Variants in ERC2 observed in about 807,000 individuals in gnomAD.
ERC2 encodes ELKS/RAB6-interacting/CAST family member 2.
In ERC2, 42 loss-of-function variants were observed where a neutral mutation model predicts 114.8. The ratio of observed to expected loss-of-function variants is 0.37; its 90% CI spans 0.29 to 0.47. ERC2 has a LOEUF of 0.47. Ranked by LOEUF, ERC2 falls within the 20% of genes least tolerant of loss-of-function variation. The pLI is 0.99. For synonymous variants in ERC2, 454 were observed against 425.5 expected (o/e 1.07, Z -0.82); for missense variants, 939 against 1,150.7 (o/e 0.82, Z 2.66).
intron 17 of ERC2, among the ~76,000 whole-genome samples, chr3:55,649,590 A>C (rs2060530216): frequency 6.6e-6 from 1 of 152,178 alleles, no homozygotes; most frequent in Admixed American, 6.5e-5. Flanking sequence ...CCTTTGTCCC[A>C]ATCCAATGTA....
At chr3:56,294,214 C>T (rs2055282105) in intron 3 of ERC2, among the ~76,000 whole-genome samples, 1 of 152,258 alleles carries the variant, frequency 6.6e-6, no homozygotes. Context: ...TTCTGCTCTA[C>T]TGTATTTGTT....
At chr3:56,233,277 G>C (rs193005874) in intron 3 of ERC2, among the ~76,000 whole-genome samples, 1 of 152,278 alleles carries the variant, frequency 6.6e-6, no homozygotes, top group Admixed American at 6.5e-5. Flanking sequence ...TCCTATTGCT[G>C]CTGTTACAAA....
intron 3 of ERC2, among the ~76,000 whole-genome samples, chr3:56,200,141 C>G (rs1336667808): frequency 6.6e-6 from 1 of 152,034 alleles, no homozygotes; most frequent in African/African-American, 2.4e-5. Context: ...ATACATCACC[C>G]AGCACCAGGG....
At chr3:55,842,617 A>G (rs1401700086) in intron 14 of ERC2, among the ~76,000 whole-genome samples, 1 of 146,908 alleles carries the variant, frequency 6.8e-6, no homozygotes, top group Admixed American at 6.8e-5. Context: ...TGGGGTGGAA[A>G]TTTTTTTTTT....
intron 13 of ERC2, among the ~76,000 whole-genome samples, chr3:55,907,082 A>G (rs979619074): frequency 6.6e-6 from 1 of 152,220 alleles, no homozygotes; most frequent in Non-Finnish European, 1.5e-5. Flanking sequence ...CCTAGCACAC[A>G]GTGGTGAATC....
intron 7 of ERC2, among the ~76,000 whole-genome samples, chr3:56,055,052 A>G (rs961005780): frequency 6.6e-6 from 1 of 152,216 alleles, no homozygotes; most frequent in Admixed American, 6.5e-5. Flanking sequence ...TCATTACCTC[A>G]GGCGAGACAC....
intron 17 of ERC2, among the ~76,000 whole-genome samples, chr3:55,651,014 A>ATTTTTTTTTTTTTTTTTT (rs71096493): frequency 1.0e-5 from 1 of 96,316 alleles, no homozygotes; most frequent in Non-Finnish European, 2.0e-5. Flanking sequence ...CACCCAGCTA[A>ATTTTTTTTTTTTTTTTTT]TTTTTTTTTT....
chr3:55,699,538 A>T (rs746655875), intron 15 of ERC2, 26 bp from the exon 16 acceptor site: 50 of 1,580,664 alleles, frequency 3.2e-5, no homozygotes, highest in Non-Finnish European at 4.0e-5. Flanking sequence ...ACCAAGGAAG[A>T]TTCCATCAGG....
intron 5 of ERC2, among the ~76,000 whole-genome samples, chr3:56,146,251 C>T (rs889668234): frequency 6.6e-5 from 10 of 152,106 alleles, no homozygotes; most frequent in Non-Finnish European, 1.5e-4. Context: ...CGCACCACTG[C>T]ACCCCAGCCT....
chr3:55,846,682 T>TCTCC (rs1378917048), intron 14 of ERC2, among the ~76,000 whole-genome samples: 20 of 128,800 alleles, frequency 1.6e-4, no homozygotes, highest in African/African-American at 6.1e-4. Context: ...TCTCTCTCTC[T>TCTCC]CTCTCTCTCT....
intron 15 of ERC2, among the ~76,000 whole-genome samples, chr3:55,709,734 A>G (rs2063674716): frequency 1.3e-5 from 2 of 152,164 alleles, no homozygotes; most frequent in Non-Finnish European, 2.9e-5. Context: ...TGACCCCCCA[A>G]AGGGGGAGAG....
At chr3:56,237,138 G>A (rs1560435889) in intron 3 of ERC2, among the ~76,000 whole-genome samples, 2 of 152,090 alleles carry the variant, frequency 1.3e-5, no homozygotes, top group African/African-American at 4.8e-5. Flanking sequence ...TCCATTCACA[G>A]ACTCCCCAAC....
intron 13 of ERC2, among the ~76,000 whole-genome samples, chr3:55,933,228 A>G (rs2066233739): frequency 6.6e-6 from 1 of 151,270 alleles, no homozygotes; most frequent in Non-Finnish European, 1.5e-5. Context: ...AAAAAGAGAG[A>G]GAATAAAGAA....
intron 2 of ERC2, among the ~76,000 whole-genome samples, chr3:56,385,541 A>G (rs2059905865): frequency 6.6e-6 from 1 of 152,174 alleles, no homozygotes; most frequent in Non-Finnish European, 1.5e-5. Flanking sequence ...TAGTGGGTGA[A>G]AACGGAACAT....
At chr3:55,617,869 C>G (rs2059185024) in intron 17 of ERC2, among the ~76,000 whole-genome samples, 1 of 152,232 alleles carries the variant, frequency 6.6e-6, no homozygotes, top group South Asian at 2.1e-4. Context: ...GGCCACTTGA[C>G]TCTTTCTAGC....
intron 14 of ERC2, among the ~76,000 whole-genome samples, chr3:55,753,959 A>G (rs1575492103): frequency 6.6e-6 from 1 of 152,176 alleles, no homozygotes; most frequent in East Asian, 1.9e-4. Context: ...CAGTTTCTTC[A>G]TCTGTAAAAT....
chr3:56,137,402 A>ACTAT (rs111562075), intron 6 of ERC2, among the ~76,000 whole-genome samples: 8,939 of 152,266 alleles, frequency 0.059, 301 homozygotes, highest in African/African-American at 0.1. Context: ...CTGTCAGCAA[A>ACTAT]CTTTCTCCAT....
At chr3:56,255,487 A>G (rs559371620) in intron 3 of ERC2, among the ~76,000 whole-genome samples, 1 of 152,152 alleles carries the variant, frequency 6.6e-6, no homozygotes, top group Non-Finnish European at 1.5e-5. Context: ...ACCATGCAAG[A>G]GGCCTATTGA....
chr3:56,354,999 A>C (rs1008024026), intron 2 of ERC2, among the ~76,000 whole-genome samples: 1 of 152,250 alleles, frequency 6.6e-6, no homozygotes, highest in African/African-American at 2.4e-5. Context: ...GAGATACAGA[A>C]ACATCATCAA....
Sources: gnomAD v4.1 joint callset for allele counts (sites outside exome capture counted in the v4.1 genomes callset) on GRCh38, gnomAD v4.1.1 for gene constraint, MANE v1.5 for transcripts, NCBI Gene and HGNC (gene_info 2026-07-23, HGNC 2026-07-21) for gene names.